The following PSD3 variants were observed in gnomAD, a reference collection of about 807,000 sequenced individuals.
The protein encoded by PSD3 is PH and SEC7 domain-containing protein 3.
PSD3 carries 49 observed loss-of-function variants against 105.5 expected under a neutral mutation model. The ratio of observed to expected loss-of-function variants is 0.46; its 90% CI spans 0.37 to 0.59. The LOEUF is 0.59. Among genes scored for constraint, PSD3 ranks in the 20% least tolerant of loss-of-function variants. The probability of loss-of-function intolerance (pLI) is 0.00; values close to 1 mark genes in which losing one functional copy is unlikely to be tolerated. For synonymous variants in PSD3, 557 were observed against 457.8 expected, an observed-to-expected ratio of 1.22 and a Z score of -2.77; for missense variants, 1,561 against 1,263.8, an observed-to-expected ratio of 1.24 and a Z score of -3.57.
At chr8:18,736,740 G>C (rs1804178589) in intron 9 of PSD3, among the ~76,000 whole-genome samples, 1 of 152,134 alleles carries the variant, frequency 6.6e-6, no homozygotes, top group Non-Finnish European at 1.5e-5. Context: ...CCTAAGAAGA[G>C]GTAACTTTGC....
chr8:18,752,607 TAATAC>T (rs1370608498), intron 9 of PSD3, among the ~76,000 whole-genome samples: 1,018 of 68,412 alleles, frequency 0.015, 35 homozygotes, highest in African/African-American at 0.059. Context: ...ATATTATATA[TAATAC>T]ATATAATATA....
chr8:19,074,592 CATATATATATATAT>C (rs1240382273), intron 1 of PSD3, among the ~76,000 whole-genome samples: 2 of 65,992 alleles, frequency 3.0e-5, no homozygotes, highest in African/African-American at 1.2e-4. Flanking sequence ...CAGATATATA[CATATATATATATAT>C]ATATATTTTT....
chr8:19,072,274 T>C (rs1435283217), intron 1 of PSD3, among the ~76,000 whole-genome samples: 1 of 151,064 alleles, frequency 6.6e-6, no homozygotes, highest in Non-Finnish European at 1.5e-5. Context: ...GCTAACTTTC[T>C]AGTGATTTCA....
chr8:18,624,853 T>C (rs887341039), intron 11 of PSD3, among the ~76,000 whole-genome samples: 5 of 152,068 alleles, frequency 3.3e-5, no homozygotes, highest in African/African-American at 9.7e-5. Context: ...AGTGTAATTA[T>C]ACATATCAAT....
At chr8:18,686,190 T>C (rs1445968518) in intron 9 of PSD3, among the ~76,000 whole-genome samples, 1 of 152,212 alleles carries the variant, frequency 6.6e-6, no homozygotes, top group African/African-American at 2.4e-5. Flanking sequence ...TCTCCACTAA[T>C]AACCACTTTC....
intron 2 of PSD3, among the ~76,000 whole-genome samples, chr8:18,922,683 C>T (rs994687893): frequency 6.6e-6 from 1 of 152,130 alleles, no homozygotes; most frequent in African/African-American, 2.4e-5. Context: ...CATCTAAAGC[C>T]GTAGGTTGTT....
intron 2 of PSD3, chr8:18,924,691 C>T (rs1191441364): frequency 1.3e-5 from 2 of 152,192 alleles, no homozygotes; most frequent in Admixed American, 1.3e-4. Flanking sequence ...CTACTTTTTT[C>T]TTGTCTTGCT....
Position 18,862,313 on chromosome 8 carries a change from T to A in PSD3, c.1634+5361A>T, listed in dbSNP as rs62495864. On this transcript the variant is annotated intron_variant, in intron 4 of 15. Transcript: ENST00000327040. Reference sequence around the variant, plus strand: ...AAGTGAAACAATTCGAAACCAGGAATAAATGGCTCTGAGACCTAGAAGAGC... The same window carrying A: ...AAGTGAAACAATTCGAAACCAGGAAAAAATGGCTCTGAGACCTAGAAGAGC... Among the ~76,000 whole-genome samples, 1,092 of 151,844 alleles carry A rather than the reference T, an allele frequency of 7.2e-3. 9 individuals carry two copies. The highest frequency in any genetic ancestry group is 0.013 in the Non-Finnish European group (894 of 67,968).
Position 18,871,721 on chromosome 8 carries a change from A to T in PSD3, c.1143T>A (p.Pro381=), listed in dbSNP as rs1246075010. The change falls in exon 3 of 16, where the codon CCT becomes CCA. Residue 381 remains proline, a synonymous_variant. Transcript: ENST00000327040. ...RPGTSSGTFS[P]VRLDESGEDE... is the part of the protein sequence containing the mutation. ...CCTCTCCACTCTCATCAAGACGCAC[A>T]GGGGAAAATGTCCCCGAGCTAGTGC... 6.2e-7 allele frequency: 1 copy of T among 1,614,080 alleles called. No homozygotes were observed. Among genetic ancestry groups the T allele is most frequent in the Non-Finnish European group, 8.5e-7 (1 of 1,180,038 alleles).
chr8:19,060,885 C>T (rs1176434345), intron 1 of PSD3, among the ~76,000 whole-genome samples: 4 of 152,210 alleles, frequency 2.6e-5, no homozygotes, highest in African/African-American at 9.6e-5. Context: ...TTTGACGGTG[C>T]CCATCCCTGG....
At chr8:18,701,061 G>A (rs887157249) in intron 9 of PSD3, among the ~76,000 whole-genome samples, 8 of 151,966 alleles carry the variant, frequency 5.3e-5, no homozygotes, top group African/African-American at 1.9e-4. Context: ...CAACCTCCTG[G>A]CTTAAGCAAT....
intron 8 of PSD3, among the ~76,000 whole-genome samples, chr8:18,787,658 G>A (rs936579227): frequency 7.2e-5 from 11 of 152,038 alleles, no homozygotes; most frequent in African/African-American, 2.7e-4. Flanking sequence ...ACAATTTAAG[G>A]CTACTCTCTG....
intron 2 of PSD3, among the ~76,000 whole-genome samples, chr8:18,905,537 G>A (rs151167653): frequency 0.047 from 7,098 of 152,192 alleles, 203 homozygotes; most frequent in Admixed American, 0.08. Context: ...GGTCAGGCTG[G>A]TCTCGAACTC....
intron 14 of PSD3, among the ~76,000 whole-genome samples, chr8:18,565,732 G>A (rs1801698347): frequency 6.6e-6 from 1 of 152,120 alleles, no homozygotes; most frequent in Non-Finnish European, 1.5e-5. Flanking sequence ...GGTTGTGGGA[G>A]TATGGGGAAA....
intron 1 of PSD3, among the ~76,000 whole-genome samples, chr8:18,948,292 A>C (rs539046915): frequency 1.6e-3 from 244 of 152,332 alleles, no homozygotes; most frequent in Admixed American, 4.2e-3. Context: ...CTTTGAACAC[A>C]TCTTACTGGC....
chr8:18,940,274 T>C (rs1471394350), intron 1 of PSD3: 2 of 152,164 alleles, frequency 1.3e-5, no homozygotes, highest in Non-Finnish European at 2.9e-5. Flanking sequence ...CTGTTGTATA[T>C]ACGAATCACC....
At chr8:18,900,735 G>A (rs888947151) in intron 2 of PSD3, among the ~76,000 whole-genome samples, 2 of 149,704 alleles carry the variant, frequency 1.3e-5, no homozygotes, top group Non-Finnish European at 3.0e-5. Flanking sequence ...AAACTCCTGG[G>A]CTCAAGACAT....
At chr8:18,921,113 C>T (rs1351716570) in intron 2 of PSD3, among the ~76,000 whole-genome samples, 1 of 152,134 alleles carries the variant, frequency 6.6e-6, no homozygotes, top group Non-Finnish European at 1.5e-5. Context: ...CAAATGTAAA[C>T]TACTTTTTTT....
At chr8:18,786,047 G>A (rs529630225) in intron 8 of PSD3, among the ~76,000 whole-genome samples, 1 of 152,178 alleles carries the variant, frequency 6.6e-6, no homozygotes, top group East Asian at 1.9e-4. Context: ...AATGAGATAC[G>A]CCTATACTTA....
Sources: gnomAD v4.1 joint callset for allele counts (sites outside exome capture counted in the v4.1 genomes callset) on GRCh38, gnomAD v4.1.1 for gene constraint, MANE v1.5 for transcripts, NCBI Gene and HGNC (gene_info 2026-07-23, HGNC 2026-07-21) for gene names.